Variants in NINJ2 observed in about 807,000 individuals in gnomAD.
NINJ2 encodes the protein ninjurin-2.
NINJ2 carries 12 observed loss-of-function variants against 11.7 expected under a neutral mutation model. The ratio of observed to expected loss-of-function variants is 1.02; its 90% CI spans 0.66 to 1.66. The LOEUF (loss-of-function observed/expected upper bound fraction) is 1.66. Among genes scored for constraint, NINJ2 ranks in the 40% most tolerant of loss-of-function variants. The pLI is 0.00. For missense variants in NINJ2, 187 were observed against 181.8 expected, an observed-to-expected ratio of 1.03 and a Z score of -0.16; for synonymous variants, 93 against 76.8, an observed-to-expected ratio of 1.21 and a Z score of -1.10.
At chr12:647,365 A>G (rs1246812583) in intron 1 of NINJ2, among the ~76,000 whole-genome samples, 1 of 152,232 alleles carries the variant, frequency 6.6e-6, no homozygotes, top group Admixed American at 6.5e-5. Context: ...AGCACCTCTC[A>G]TCATAGTGGC....
At chr12:598,272 C>G (rs1290469838) in intron 1 of NINJ2, among the ~76,000 whole-genome samples, 2 of 152,348 alleles carry the variant, frequency 1.3e-5, no homozygotes, top group East Asian at 3.9e-4. Context: ...CTGACCTCCC[C>G]CTGGGCACCG....
intron 1 of NINJ2, among the ~76,000 whole-genome samples, chr12:584,246 G>T (rs544787549): frequency 6.6e-6 from 1 of 152,328 alleles, no homozygotes; most frequent in Admixed American, 6.5e-5. Context: ...GATGGGGAGA[G>T]AATCGTTTCC....
intron 1 of NINJ2, among the ~76,000 whole-genome samples, chr12:629,896 A>AAATATATATATATATATAT: frequency 1.0e-4 from 1 of 9,890 alleles, no homozygotes; most frequent in African/African-American, 1.5e-4. Flanking sequence ...AAAAAAAAAA[A>AAATATATATATATATATAT]ATATATATAT....
At position 643,037 on chromosome 12, in the gene NINJ2, T is replaced by C. The variant is rs1334168491; in HGVS notation, c.33+20291A>G. On this transcript the variant is annotated intron_variant, in intron 1 of 3. Transcript: ENST00000305108. ...GCCCGGCGCCCGCGCATTCCTGCCA[T>C]TCCCCCGAGTCGGCCCGCGGGCTAC... 3 of 148,790 alleles carry C rather than the reference T, an allele frequency of 2.0e-5. No individual in the cohort carries two copies. In the East Asian group the frequency reaches 6.5e-4, roughly 32 times the overall value. The allele number at this position is 148,790 out of a possible 1,614,324, so 9.2% of individuals were successfully genotyped here.
chr12:568,892 C>A (rs1277138953), intron 1 of NINJ2, among the ~76,000 whole-genome samples: 5,911 of 146,136 alleles, frequency 0.04, 491 homozygotes, highest in African/African-American at 0.14. Flanking sequence ...CCCCCCCCGC[C>A]CCCCGGGTAA....
intron 1 of NINJ2, among the ~76,000 whole-genome samples, chr12:649,531 G>GTGTATATATATATATATATATATATA (rs139452771): frequency 4.9e-4 from 62 of 127,668 alleles, no homozygotes; most frequent in African/African-American, 6.2e-4. Context: ...GTGTATATGT[G>GTGTATATATATATATATATATATATA]TATATATATA....
At chr12:601,338 A>T (rs992525248) in intron 1 of NINJ2, among the ~76,000 whole-genome samples, 1 of 144,286 alleles carries the variant, frequency 6.9e-6, no homozygotes. Flanking sequence ...GGAAGTCAGG[A>T]GATCGAGACC....
In NINJ2 at chr12:570,212, G is replaced by A. The variant is rs186813817; in HGVS notation, c.34-4034C>T. 2.8e-3 allele frequency among the ~76,000 whole-genome samples: 428 copies of A among 152,360 alleles called. 1 individual carries two copies. The highest frequency in any genetic ancestry group is 4.2e-3 in the Non-Finnish European group (283 of 68,022). ...AGCACAACCTGCAGCCGAGGGGACGGCGGGCAGAAGGGCCGGCAGTGAGGC... is the reference window on the plus strand; with the variant it reads ...AGCACAACCTGCAGCCGAGGGGACGACGGGCAGAAGGGCCGGCAGTGAGGC... On this transcript the variant is annotated intron_variant, in intron 1 of 3. Coordinates refer to ENST00000305108, the MANE Select transcript of NINJ2 (RefSeq NM_016533.6).
chr12:657,588 C>CA (rs1937890821), intron 1 of NINJ2, among the ~76,000 whole-genome samples: 1 of 151,898 alleles, frequency 6.6e-6, no homozygotes, highest in Admixed American at 6.6e-5. Context: ...GACTCCTTCT[C>CA]AAAAAATAAA....
chr12:596,380 G>A (rs1028068335), intron 1 of NINJ2, among the ~76,000 whole-genome samples: 3 of 152,208 alleles, frequency 2.0e-5, no homozygotes, highest in Non-Finnish European at 4.4e-5. Context: ...GCGTGATAAT[G>A]ATGTGTCAAC....
intron 1 of NINJ2, among the ~76,000 whole-genome samples, chr12:623,957 G>A (rs1200767504): frequency 6.6e-6 from 1 of 152,184 alleles, no homozygotes; most frequent in Non-Finnish European, 1.5e-5. Flanking sequence ...GATCGCTTGA[G>A]CTCAGGAGGT....
At chr12:623,505 CTCA>C (rs1221276225) in intron 1 of NINJ2, among the ~76,000 whole-genome samples, 1 of 152,230 alleles carries the variant, frequency 6.6e-6, no homozygotes, top group Non-Finnish European at 1.5e-5. Context: ...CTTCACTTTT[CTCA>C]TCATCCAAAC....
intron 1 of NINJ2, among the ~76,000 whole-genome samples, chr12:599,043 A>C (rs2535390): frequency 6.6e-6 from 1 of 151,616 alleles, no homozygotes; most frequent in Non-Finnish European, 1.5e-5. Context: ...TTCTTGTACC[A>C]GCCGAAAAAG....
intron 1 of NINJ2, among the ~76,000 whole-genome samples, chr12:637,650 AAAAAAGAAAAAG>A (rs561136290): frequency 8.4e-4 from 128 of 152,076 alleles, no homozygotes; most frequent in Admixed American, 3.0e-3. Flanking sequence ...CAAAAAAAAA[AAAAAAGAAAAAG>A]AAAAAGAAAA....
intron 1 of NINJ2, among the ~76,000 whole-genome samples, chr12:654,318 C>T (rs1182388062): frequency 1.3e-5 from 2 of 150,878 alleles, no homozygotes; most frequent in South Asian, 2.1e-4. Context: ...GTCAGGAGTT[C>T]GAGACCAGCC....
rs147441934 is a variant in NINJ2, at chr12:655,739, C to G, written c.33+7589G>C. ...ACCAGCCTGGTCAACATGGTGAAAC[C>G]CTGTCACTACTAAAAATACAAAAAT... On this transcript the variant is annotated intron_variant, in intron 1 of 3. Transcript: ENST00000305108. Among the ~76,000 whole-genome samples the G allele has an allele frequency of 4.0e-3, 614 of 151,784 alleles. 28 individuals carry two copies. The East Asian group carries it at 0.1, about 26-fold the overall frequency.
chr12:654,287 G>T (rs1465847272), intron 1 of NINJ2, among the ~76,000 whole-genome samples: 1 of 152,136 alleles, frequency 6.6e-6, no homozygotes, highest in Non-Finnish European at 1.5e-5. Context: ...ACTTTGGGAG[G>T]CCGAGGTGGG....
chr12:603,505 C>T (rs376547345), intron 1 of NINJ2, among the ~76,000 whole-genome samples: 1 of 152,118 alleles, frequency 6.6e-6, no homozygotes, highest in African/African-American at 2.4e-5. Context: ...GGTTTACTTA[C>T]ATTTTGTTCT....
intron 1 of NINJ2, among the ~76,000 whole-genome samples, chr12:626,344 G>T (rs1948210287): frequency 6.6e-6 from 1 of 152,352 alleles, no homozygotes; most frequent in East Asian, 1.9e-4. Flanking sequence ...TTAGTGAGGA[G>T]GTAGTGGGAG....
Sources: gnomAD v4.1 joint callset for allele counts (sites outside exome capture counted in the v4.1 genomes callset) on GRCh38, gnomAD v4.1.1 for gene constraint, MANE v1.5 for transcripts, NCBI Gene and HGNC (gene_info 2026-07-23, HGNC 2026-07-21) for gene names.